Variants in DOCK3 observed in about 807,000 individuals in gnomAD.
DOCK3 encodes the protein dedicator of cytokinesis 3.
In DOCK3, 60 loss-of-function variants were observed where a neutral mutation model predicts 265.6. That is an observed-to-expected ratio of 0.23 (90% CI 0.18 to 0.28). The LOEUF is 0.28. DOCK3 is among the 10% of genes least tolerant of loss of function. DOCK3 has a pLI of 1.00. For missense variants in DOCK3, 1,981 were observed against 2,594.3 expected, an observed-to-expected ratio of 0.76 and a Z score of 5.14; for synonymous variants, 881 against 938.0, an observed-to-expected ratio of 0.94 and a Z score of 1.11.
At chr3:51,041,187 TA>T (rs1559977643) in intron 5 of DOCK3, among the ~76,000 whole-genome samples, 13 of 15,892 alleles carry the variant, frequency 8.2e-4, no homozygotes, top group African/African-American at 2.7e-3. Context: ...TATATATATA[TA>T]TATATATATA....
chr3:50,935,715 A>C (rs917290702), intron 5 of DOCK3, among the ~76,000 whole-genome samples: 2 of 152,188 alleles, frequency 1.3e-5, no homozygotes, highest in Non-Finnish European at 2.9e-5. Context: ...AACTGAGGAG[A>C]TAGTAGGGTG....
At chr3:50,746,035 A>G (rs1022954045) in intron 1 of DOCK3, among the ~76,000 whole-genome samples, 2 of 152,156 alleles carry the variant, frequency 1.3e-5, no homozygotes, top group African/African-American at 4.8e-5. Context: ...ATTTTCTTTC[A>G]GTCTATGTCT....
chr3:50,831,192 TA>T (rs1201221312), intron 2 of DOCK3, among the ~76,000 whole-genome samples: 7 of 11,926 alleles, frequency 5.9e-4, no homozygotes, highest in Non-Finnish European at 3.3e-3. Flanking sequence ...CTGTTTTATT[TA>T]TTTATTTATT....
chr3:50,785,838 G>A (rs2042156986), intron 2 of DOCK3, among the ~76,000 whole-genome samples: 1 of 152,068 alleles, frequency 6.6e-6, no homozygotes, highest in South Asian at 2.1e-4. Context: ...AATGATTTAG[G>A]GAGTCCCTCT....
chr3:51,344,490 C>G (rs950390702), intron 38 of DOCK3, among the ~76,000 whole-genome samples: 2 of 152,186 alleles, frequency 1.3e-5, no homozygotes, highest in Non-Finnish European at 2.9e-5. Flanking sequence ...TGTGGTGGCG[C>G]ATGCCTGTAG....
rs77094267 is a variant in DOCK3, at chr3:50,739,288, A to G, written c.38-39387A>G. Reference sequence around the variant, plus strand: ...TTTTTCGTTAGGTTGAAATCAGTCTACTAATGTATCTTCCCCTTCCTTAAC... The same window carrying G: ...TTTTTCGTTAGGTTGAAATCAGTCTGCTAATGTATCTTCCCCTTCCTTAAC... On this transcript the variant is annotated intron_variant, in intron 1 of 52. Transcript: ENST00000266037. Among the ~76,000 whole-genome samples, 34 of 152,208 alleles carry G rather than the reference A, an allele frequency of 2.2e-4. No homozygotes were observed. The East Asian group carries it at 5.8e-3, about 26-fold the overall frequency.
intron 2 of DOCK3, among the ~76,000 whole-genome samples, chr3:50,841,283 T>C (rs749203907): frequency 6.6e-6 from 1 of 152,178 alleles, no homozygotes; most frequent in Non-Finnish European, 1.5e-5. Context: ...GTATACTGTA[T>C]GGGAGATTGA....
chr3:50,776,784 A>G (rs1195422256), intron 1 of DOCK3, among the ~76,000 whole-genome samples: 1 of 152,060 alleles, frequency 6.6e-6, no homozygotes, highest in Non-Finnish European at 1.5e-5. Flanking sequence ...TCATTCTTCT[A>G]CATGTGGCTT....
At chr3:51,029,506 T>C (rs1007132808) in intron 5 of DOCK3, among the ~76,000 whole-genome samples, 1 of 152,202 alleles carries the variant, frequency 6.6e-6, no homozygotes, top group Non-Finnish European at 1.5e-5. Flanking sequence ...TCTGCAACAG[T>C]GCACTGGGGA....
At chr3:51,187,834 C>T (rs567855747) in intron 12 of DOCK3, among the ~76,000 whole-genome samples, 2 of 150,914 alleles carry the variant, frequency 1.3e-5, no homozygotes, top group South Asian at 4.2e-4. Flanking sequence ...ATTGTGAGGC[C>T]TCCCCAGCCA....
chr3:51,211,161 G>A (rs567795408), intron 13 of DOCK3, among the ~76,000 whole-genome samples: 1 of 152,258 alleles, frequency 6.6e-6, no homozygotes, highest in Admixed American at 6.5e-5. Context: ...AAGGAGGGGT[G>A]GGGGAGGTAG....
At chr3:51,094,293 T>C (rs987249656) in intron 9 of DOCK3, among the ~76,000 whole-genome samples, 1 of 152,206 alleles carries the variant, frequency 6.6e-6, no homozygotes, top group Non-Finnish European at 1.5e-5. Flanking sequence ...TGAATCTCTC[T>C]GGTCCTGGGC....
At chr3:51,091,673 A>T (rs1296145491) in intron 9 of DOCK3, among the ~76,000 whole-genome samples, 3 of 112,278 alleles carry the variant, frequency 2.7e-5, no homozygotes, top group Non-Finnish European at 5.3e-5. Context: ...ACAGTGTGAG[A>T]CTTGGTCTCA....
chr3:51,336,713 C>T (rs994134513), intron 35 of DOCK3, among the ~76,000 whole-genome samples: 7 of 152,208 alleles, frequency 4.6e-5, no homozygotes, highest in Non-Finnish European at 8.8e-5. Flanking sequence ...AGAGGAGAAG[C>T]AGTCATAGAG....
intron 12 of DOCK3, among the ~76,000 whole-genome samples, chr3:51,205,119 A>G (rs2089101999): frequency 6.6e-6 from 1 of 152,172 alleles, no homozygotes; most frequent in Non-Finnish European, 1.5e-5. Flanking sequence ...ATACATATGT[A>G]ACTTACCTGC....
At chr3:50,854,592 G>GTTTTTTTTTTTTTTT (rs71084118) in intron 3 of DOCK3, among the ~76,000 whole-genome samples, 6,996 of 47,044 alleles carry the variant, frequency 0.15, 2,709 homozygotes, top group South Asian at 0.23. Flanking sequence ...CATCACACCA[G>GTTTTTTTTTTTTTTT]TTTTTTTTTT....
At chr3:50,783,064 A>G (rs2042006790) in intron 2 of DOCK3, among the ~76,000 whole-genome samples, 1 of 143,920 alleles carries the variant, frequency 6.9e-6, no homozygotes, top group Non-Finnish European at 1.5e-5. Flanking sequence ...CGTTTTCTTT[A>G]TGCACTCATT....
chr3:50,975,323 C>T (rs993576119), intron 5 of DOCK3, among the ~76,000 whole-genome samples: 3 of 151,200 alleles, frequency 2.0e-5, no homozygotes, highest in African/African-American at 7.3e-5. Flanking sequence ...CCATCAATAC[C>T]TAATTTATTG....
chr3:51,290,947 G>A (rs1161397893), intron 27 of DOCK3, among the ~76,000 whole-genome samples: 4 of 152,034 alleles, frequency 2.6e-5, no homozygotes, highest in Admixed American at 6.6e-5. Flanking sequence ...GCGTGGTGGC[G>A]GGCACCTGTA....
Sources: gnomAD v4.1 joint callset for allele counts (sites outside exome capture counted in the v4.1 genomes callset) on GRCh38, gnomAD v4.1.1 for gene constraint, MANE v1.5 for transcripts, NCBI Gene and HGNC (gene_info 2026-07-23, HGNC 2026-07-21) for gene names.